ADSL: variants seen among roughly 807,000 people sequenced by gnomAD.
The protein encoded by ADSL is adenylosuccinase.
ADSL carries 44 observed loss-of-function variants against 62.1 expected under a neutral mutation model. The observed-to-expected ratio is 0.71, with a 90% CI of 0.56 to 0.91. The LOEUF (loss-of-function observed/expected upper bound fraction) is 0.91, where lower values mean the gene tolerates loss of function less well. ADSL is among the 40% of genes least tolerant of loss of function. The pLI is 0.00. For synonymous variants in ADSL, 198 were observed against 220.5 expected (o/e 0.90, Z 0.90); for missense variants, 531 against 627.4 (o/e 0.85, Z 1.64).
Position 40,379,912 on chromosome 22 carries a change from TG to T in ADSL, c.90-10317del, listed in dbSNP as rs1412828349. On this transcript the variant is annotated intron_variant, in intron 2 of 2. Transcript: ENST00000498234. ...TTTTTGTAGAGATTGGGTTTCGTCATGTTGCCCAGGGTGGTCTCAAACTCCT... is the reference window on the plus strand; with the variant it reads ...TTTTTGTAGAGATTGGGTTTCGTCATTTGCCCAGGGTGGTCTCAAACTCCT... Among the ~76,000 whole-genome samples the T allele has an allele frequency of 3.3e-5, 5 of 152,150 alleles. No homozygotes were observed. In the South Asian group the frequency reaches 1.0e-3, roughly 31 times the overall value.
chr22:40,364,428 C>CGA, intron 11 of ADSL, 63 bp downstream of exon 11: 1 of 1,393,136 alleles, frequency 7.2e-7, no homozygotes, highest in African/African-American at 1.4e-5. Flanking sequence ...CTCTCTTCTC[C>CGA]GTGAAGGAGA....
chr22:40,366,582 C>A lies in ADSL; in HGVS notation c.*60C>A. ...TTGCTGAGGCATGAAAATTGTGTTA[C>A]TATAATGCCTTATTTTACCTCGAGA... On this transcript the variant is annotated 3_prime_UTR_variant, in exon 13 of 13. Transcript: ENST00000623063. 1.6e-6 allele frequency: 2 copies of A among 1,228,376 alleles called. No individual in the cohort carries two copies. The highest frequency in any genetic ancestry group is 2.4e-6 in the Non-Finnish European group (2 of 830,930). 76.1% of individuals were successfully genotyped at this position (1,228,376 alleles called of 1,614,324 possible).
At chr22:40,376,307 TTGAC>T (rs1168803634) in intron 2 of ADSL, 1 of 151,082 alleles carries the variant, frequency 6.6e-6, no homozygotes, top group East Asian at 1.9e-4. Flanking sequence ...GCTTGATTGA[TTGAC>T]AGGGTTTTGC....
intron 1 of ADSL, chr22:40,347,203 C>T (rs1214190781): frequency 6.1e-6 from 1 of 163,030 alleles, no homozygotes; most frequent in Non-Finnish European, 1.4e-5. Context: ...GGATTTGAAC[C>T]TGGGTGCACT....
chr22:40,365,062 C>T lies in ADSL; in HGVS notation c.1368+6C>T, dbSNP rs1569103805. ...CTGGTCGTGCCTCCCAGCAGGTAAG[C>T]TTCCAAGAAGCCTCTTTTCTGCTGG... On this transcript the variant is annotated splice_donor_region_variant and intron_variant, in intron 12 of 12. Coordinates refer to ENST00000623063, the MANE Select transcript of ADSL (RefSeq NM_000026.4). The T allele has an allele frequency of 6.2e-7, 1 of 1,612,110 alleles. No homozygotes were observed. The highest frequency in any genetic ancestry group is 8.5e-7 in the Non-Finnish European group (1 of 1,178,590).
chr22:40,383,302 C>T (rs1214199057), intron 2 of ADSL, among the ~76,000 whole-genome samples: 1 of 151,898 alleles, frequency 6.6e-6, no homozygotes, highest in African/African-American at 2.4e-5. Flanking sequence ...CCCATCTCTA[C>T]TAAAAATATA....
intron 4 of ADSL, among the ~76,000 whole-genome samples, chr22:40,354,700 G>A (rs1293163220): frequency 6.6e-6 from 1 of 152,038 alleles, no homozygotes; most frequent in African/African-American, 2.4e-5. Flanking sequence ...GTGAAACGCT[G>A]TCTCTACTAA....
In ADSL at chr22:40,365,235, CAG is replaced by C. The variant is rs1214098642; in HGVS notation, c.1368+182_1368+183del. Among the ~76,000 whole-genome samples, 16 of 152,236 alleles carry C rather than the reference CAG, an allele frequency of 1.1e-4. 1 individual carries two copies. In the Middle Eastern group the frequency reaches 0.017, roughly 162 times the overall value. On this transcript the variant is annotated intron_variant, in intron 12 of 12. Transcript: ENST00000623063. ...TCTGTTTTGTTTTGTTTTTTTGAGA[CAG>C]AGTCTCTCATCCAGGCTGGAGTGCA...
chr22:40,348,455 C>T (rs1213477782), intron 1 of ADSL: 3 of 398,468 alleles, frequency 7.5e-6, no homozygotes, highest in Non-Finnish European at 1.3e-5. Flanking sequence ...ACAATCTTGG[C>T]TCGTTACAAC....
In ADSL at chr22:40,350,122, AC is replaced by A. The variant is rs2044288323; in HGVS notation, c.357+88del. Reference sequence around the variant, plus strand: ...TTGATGTTGTCCAGTTGAGGAAGTGACACTATAGATCTTTTTTTTTTTTTTG... The same window carrying A: ...TTGATGTTGTCCAGTTGAGGAAGTGAACTATAGATCTTTTTTTTTTTTTTG... On this transcript the variant is annotated intron_variant, in intron 2 of 12. Transcript: ENST00000623063. The A allele has an allele frequency of 2.3e-6, 3 of 1,297,290 alleles. No individual in the cohort carries two copies. In the Admixed American group the frequency reaches 5.9e-5, roughly 26 times the overall value. The allele number at this position is 1,297,290 out of a possible 1,614,324, so 80.4% of individuals were successfully genotyped here. A position where few individuals can be genotyped will look rare whatever the true frequency, so the allele number is the denominator to read the frequency against.
intron 4 of ADSL, among the ~76,000 whole-genome samples, chr22:40,355,366 C>G (rs570573355): frequency 4.6e-5 from 7 of 152,266 alleles, no homozygotes; most frequent in Non-Finnish European, 8.8e-5. Context: ...TGGTCTCAAA[C>G]TCCTGACCTC....
At position 40,360,673 on chromosome 22, in the gene ADSL, T is replaced by A. The variant is rs188436526; in HGVS notation, c.792+181T>A. On this transcript the variant is annotated intron_variant, in intron 7 of 12. Transcript: ENST00000623063. ...ACTCGTTTTGGCATTTTCTTTAAAG[T>A]TATCTCAAGCACTGCAAAACATCCA... 7.2e-5 allele frequency among the ~76,000 whole-genome samples: 11 copies of A among 152,306 alleles called. No individual in the cohort carries two copies. The East Asian group carries it at 2.1e-3, about 29-fold the overall frequency.
intron 3 of ADSL, chr22:40,353,725 A>G (rs2044440676): frequency 3.9e-6 from 1 of 259,688 alleles, no homozygotes; most frequent in Admixed American, 5.7e-5. Context: ...TCCCAGGTTC[A>G]TGCCATTCTC....
At chr22:40,374,715 C>T (rs1021049150) in intron 2 of ADSL, among the ~76,000 whole-genome samples, 6 of 152,174 alleles carry the variant, frequency 3.9e-5, no homozygotes, top group African/African-American at 1.4e-4. Flanking sequence ...AATGCCATCT[C>T]GACCAAAAAC....
Position 40,361,550 on chromosome 22 carries a change from C to T in ADSL, c.925C>T (p.Arg309Cys), listed in dbSNP as rs376357524. 3.8e-5 allele frequency: 62 copies of T among 1,614,062 alleles called. No individual in the cohort carries two copies. Among genetic ancestry groups the T allele is most frequent in the Non-Finnish European group, 4.7e-5 (55 of 1,180,024 alleles). ...TTCAGAACGTTGCTGCAGTCTTGCC[C>T]GCCACCTGATGACCCTTGTCATGGA... ...MRSERCCSLA[R>C]HLMTLVMDPL... is the part of the protein sequence containing the mutation. Residue 309 changes from arginine to cysteine, a missense_variant, in exon 9 of 13, where the codon CGC (arginine) becomes TGC (cysteine). By Grantham distance (180) the Arg-to-Cys change is radical. Transcript: ENST00000623063.
downstream of ADSL, among the ~76,000 whole-genome samples, chr22:40,372,051 G>A (rs561422255): frequency 4.0e-5 from 6 of 149,416 alleles, no homozygotes; most frequent in African/African-American, 7.4e-5. Context: ...ATAATCCTAA[G>A]TGAATGTAGC....
chr22:40,371,706 T>A (rs189394258), downstream of ADSL, among the ~76,000 whole-genome samples: 1 of 149,456 alleles, frequency 6.7e-6, no homozygotes, highest in Non-Finnish European at 1.5e-5. Context: ...TTCTTTTCTA[T>A]TTTTTTTTTA....
At chr22:40,383,615 G>A (rs1178619016) in intron 2 of ADSL, among the ~76,000 whole-genome samples, 1 of 152,078 alleles carries the variant, frequency 6.6e-6, no homozygotes, top group Admixed American at 6.6e-5. Flanking sequence ...TCTTAGCAGA[G>A]GACACAATAT....
At chr22:40,381,512 T>C (rs138483858) in intron 2 of ADSL, among the ~76,000 whole-genome samples, 42 of 152,342 alleles carry the variant, frequency 2.8e-4, no homozygotes, top group African/African-American at 7.7e-4. Flanking sequence ...TGAAGTATTA[T>C]ATTATTACTC....
Sources: allele counts gnomAD v4.1 joint callset (sites outside exome capture counted in the v4.1 genomes callset), GRCh38; gene constraint gnomAD v4.1.1; transcripts MANE v1.5; gene names NCBI Gene and HGNC (gene_info 2026-07-23, HGNC 2026-07-21).